Variants in ANK2 observed in about 807,000 individuals in gnomAD.
ANK2 encodes the protein ankyrin 2, also known as ankyrin-2.
Under a neutral mutation model 360.5 loss-of-function variants are expected in ANK2, and 83 were observed. The observed-to-expected ratio is 0.23, with a 90% confidence interval of 0.19 to 0.28. The LOEUF is 0.28. Among genes scored for constraint, ANK2 ranks in the 10% least tolerant of loss-of-function variants. The pLI is 1.00. For synonymous variants in ANK2, 1,740 were observed against 1,759.5 expected (o/e 0.99, Z 0.28); for missense variants, 4,201 against 4,795.7 (o/e 0.88, Z 3.66).
the ANK2 span, among the ~76,000 whole-genome samples, chr4:112,784,324 A>C: frequency 6.8e-6 from 1 of 146,876 alleles, no homozygotes; most frequent in East Asian, 2.0e-4. Context: ...AATTGGGACT[A>C]CAGGCACGTG....
intron 35 of ANK2, among the ~76,000 whole-genome samples, chr4:113,346,540 G>A (rs772800934): frequency 5.7e-4 from 86 of 152,048 alleles, no homozygotes; most frequent in Admixed American, 5.9e-4. Flanking sequence ...ATTAATCTTC[G>A]AACTTATCAT....
At chr4:112,960,885 A>G (rs2034450327) in intron 2 of ANK2, among the ~76,000 whole-genome samples, 1 of 152,114 alleles carries the variant, frequency 6.6e-6, no homozygotes, top group South Asian at 2.1e-4. Flanking sequence ...TACAGATAAA[A>G]CCCAGGTTTA....
At chr4:113,223,796 T>C (rs1301041671) in intron 4 of ANK2, among the ~76,000 whole-genome samples, 1 of 152,174 alleles carries the variant, frequency 6.6e-6, no homozygotes, top group African/African-American at 2.4e-5. Flanking sequence ...CAATAAATAT[T>C]ATCATCACAG....
At chr4:112,970,343 A>C (rs1025264795) in intron 2 of ANK2, among the ~76,000 whole-genome samples, 2 of 151,796 alleles carry the variant, frequency 1.3e-5, no homozygotes, top group African/African-American at 4.8e-5. Context: ...ATTTCATTTT[A>C]ACTAATTAAT....
chr4:112,902,988 T>G (rs757153752), intron 1 of ANK2, among the ~76,000 whole-genome samples: 3 of 152,194 alleles, frequency 2.0e-5, no homozygotes, highest in Non-Finnish European at 4.4e-5. Flanking sequence ...TGACACTTCC[T>G]TGACTCCATC....
At chr4:113,170,134 CTCTT>C (rs1391819906) in intron 1 of ANK2, among the ~76,000 whole-genome samples, 1 of 152,172 alleles carries the variant, frequency 6.6e-6, no homozygotes, top group Non-Finnish European at 1.5e-5. Flanking sequence ...TTTGAAAGCT[CTCTT>C]TATTTGCTTG....
At chr4:112,809,670 C>T in the ANK2 span, among the ~76,000 whole-genome samples, 1 of 150,468 alleles carries the variant, frequency 6.6e-6, no homozygotes, top group Non-Finnish European at 1.5e-5. Context: ...TAGCATGAGC[C>T]CAGGAGTTCG....
intron 2 of ANK2, among the ~76,000 whole-genome samples, chr4:113,025,889 G>A (rs192381066): frequency 2.0e-5 from 3 of 152,208 alleles, no homozygotes; most frequent in Admixed American, 2.0e-4. Flanking sequence ...TAAGAAGTAG[G>A]CAATGATATA....
At chr4:112,863,100 C>T (rs1006579756) in intron 1 of ANK2, among the ~76,000 whole-genome samples, 11 of 152,090 alleles carry the variant, frequency 7.2e-5, no homozygotes, top group Admixed American at 7.2e-4. Flanking sequence ...AGGAAACTAA[C>T]TTATTTCTTT....
chr4:113,013,595 C>T lies in ANK2; in HGVS notation c.21+109081C>T, dbSNP rs187667594. Among the ~76,000 whole-genome samples, 379 of 152,278 alleles carry T rather than the reference C, an allele frequency of 2.5e-3. 3 individuals are homozygous for T. The highest frequency in any genetic ancestry group is 3.4e-3 in the Middle Eastern group (1 of 294). Reference sequence around the variant, plus strand: ...TTTTAACATCTTGTTGCAAACATTACATATATCTATAGTTGCTAAATAAAG... The same window carrying T: ...TTTTAACATCTTGTTGCAAACATTATATATATCTATAGTTGCTAAATAAAG... On this transcript the variant is annotated intron_variant, in intron 2 of 30. Coordinates refer to the ANK2 transcript ENST00000503271.
chr4:112,737,167 A>C, the ANK2 span, among the ~76,000 whole-genome samples: 1 of 152,132 alleles, frequency 6.6e-6, no homozygotes, highest in South Asian at 2.1e-4. Context: ...TATGGTGAGA[A>C]TTTATGCATA....
At chr4:112,725,341 G>A in the ANK2 span, among the ~76,000 whole-genome samples, 2 of 141,760 alleles carry the variant, frequency 1.4e-5, no homozygotes, top group Non-Finnish European at 3.0e-5. Context: ...ACATGGATGA[G>A]CCTTAAAGAC....
intron 1 of ANK2, among the ~76,000 whole-genome samples, chr4:112,850,331 G>A (rs55838900): frequency 8.4e-5 from 12 of 143,134 alleles, no homozygotes; most frequent in South Asian, 2.3e-4. Flanking sequence ...CCATTCATCT[G>A]TCCATCCATC....
chr4:112,742,251 A>T, the ANK2 span, among the ~76,000 whole-genome samples: 5 of 152,236 alleles, frequency 3.3e-5, no homozygotes, highest in Non-Finnish European at 7.3e-5. Context: ...TGGGCGACAG[A>T]GCGAGACTCT....
intron 2 of ANK2, among the ~76,000 whole-genome samples, chr4:113,176,480 T>C (rs1207154509): frequency 6.6e-6 from 1 of 152,110 alleles, no homozygotes; most frequent in Non-Finnish European, 1.5e-5. Context: ...TTTTTTGTGT[T>C]CTTTTGGACA....
At chr4:112,746,159 A>G in the ANK2 span, among the ~76,000 whole-genome samples, 1 of 152,200 alleles carries the variant, frequency 6.6e-6, no homozygotes, top group Admixed American at 6.5e-5. Context: ...CAATTAAATT[A>G]GCAAGTATGG....
chr4:112,967,474 T>C (rs1430822510), intron 2 of ANK2, among the ~76,000 whole-genome samples: 1 of 152,216 alleles, frequency 6.6e-6, no homozygotes, highest in Non-Finnish European at 1.5e-5. Flanking sequence ...TTTTCCATTG[T>C]TCGATAATCA....
In ANK2 at chr4:112,900,592, A is replaced by C. The variant is rs1210640820; in HGVS notation, c.-39-3863A>C. 2.6e-5 allele frequency among the ~76,000 whole-genome samples: 4 copies of C among 152,226 alleles called. 1 individual carries two copies. The South Asian group carries it at 8.3e-4, about 32-fold the overall frequency. ...TTATCTATTGGGTACAATGTTCACT[A>C]TTTGAACTTACCTTGAGAAATCCTG... On this transcript the variant is annotated intron_variant, in intron 1 of 30. Transcript: ENST00000503271.
intron 2 of ANK2, among the ~76,000 whole-genome samples, chr4:112,971,606 G>A (rs952214590): frequency 1.1e-4 from 16 of 152,322 alleles, no homozygotes; most frequent in African/African-American, 3.8e-4. Context: ...AAGTCTTTAT[G>A]GTTGGAAAGA....
Sources: gnomAD v4.1 joint callset for allele counts (sites outside exome capture counted in the v4.1 genomes callset) on GRCh38, gnomAD v4.1.1 for gene constraint, MANE v1.5 for transcripts, NCBI Gene and HGNC (gene_info 2026-07-23, HGNC 2026-07-21) for gene names.